Variants in MYO7B observed in about 807,000 individuals in gnomAD.
The protein encoded by MYO7B is unconventional myosin-VIIb.
In MYO7B, 212 loss-of-function variants were observed where a neutral mutation model predicts 259.7. That is an observed-to-expected ratio of 0.82 (90% CI 0.73 to 0.91). The LOEUF (loss-of-function observed/expected upper bound fraction) is 0.91, where lower values mean the gene tolerates loss of function less well. Ranked by LOEUF, MYO7B falls within the 40% of genes least tolerant of loss-of-function variation. The pLI is 0.00. For synonymous variants in MYO7B, 1,197 were observed against 1,166.4 expected, an observed-to-expected ratio of 1.03 and a Z score of -0.54; for missense variants, 2,732 against 2,813.5, an observed-to-expected ratio of 0.97 and a Z score of 0.66.
chr2:127,590,141 A>T lies in MYO7B; in HGVS notation c.1904A>T (p.Gln635Leu). 6.2e-7 allele frequency: 1 copy of T among 1,609,440 alleles called. No homozygotes were observed. Among genetic ancestry groups the T allele is most frequent in the Non-Finnish European group, 8.5e-7 (1 of 1,178,412 alleles). Residue 635 changes from glutamine (Q) to leucine (L), a missense_variant, in exon 16 of 48, where the codon CAG (glutamine) becomes CTG (leucine). This residue lies in a region of MYO7B where 1,906 missense variants were observed against 2,026.4 expected (regional missense o/e 0.94). Coordinates refer to ENST00000409816, the MANE Select transcript of MYO7B (RefSeq NM_001393586.1). The surrounding 1 kb of genome is among the most constrained non-coding windows in gnomAD (Gnocchi z 4.6). ...TCCACCTTAGGAAGCCAGTTCAAAC[A>T]GTCTCTGGACCAGCTGATGAAAATC... ...RPSTLGSQFK[Q>L]SLDQLMKILT...
Position 127,617,036 on chromosome 2 carries a change from T to G in MYO7B, c.3399-3304T>G, listed in dbSNP as rs373928202. ...CCACTTTAGGGCTTAACCCTTGGCT[T>G]CTTTTAGATCTGTCAGTTACCAAAT... On this transcript the variant is annotated intron_variant, in intron 26 of 47. Transcript: ENST00000409816. 1.4e-4 allele frequency among the ~76,000 whole-genome samples: 21 copies of G among 152,342 alleles called. No individual in the cohort carries two copies. The East Asian group carries it at 3.9e-3, about 28-fold the overall frequency.
chr2:127,594,328 A>T (rs945611216), intron 18 of MYO7B, among the ~76,000 whole-genome samples: 2 of 152,216 alleles, frequency 1.3e-5, no homozygotes, highest in Non-Finnish European at 2.9e-5. Flanking sequence ...AATAACTGGG[A>T]GCAGAGCTGG....
In MYO7B at chr2:127,612,581, G is replaced by T; in HGVS notation, c.3376G>T (p.Ala1126Ser). Residue 1126 changes from alanine to serine, a missense_variant, in exon 26 of 48, where the codon GCC becomes TCC. Around this residue, in one of 3 missense-constraint regions of MYO7B, gnomAD observed 1,906 missense variants for 2,026.4 expected, o/e 0.94. Transcript: ENST00000409816. ...GAAGGTGCACTTCATCGTGGGCTACGCCATCCTGCGGCCCAGCCTCAGGTC... is the reference window on the plus strand; with the variant it reads ...GAAGGTGCACTTCATCGTGGGCTACTCCATCCTGCGGCCCAGCCTCAGGTC... ...LEKVHFIVGY[A>S]ILRPSLRDEI... The T allele has an allele frequency of 6.2e-7, 1 of 1,609,004 alleles. No individual in the cohort carries two copies. The highest frequency in any genetic ancestry group is 8.5e-7 in the Non-Finnish European group (1 of 1,178,100).
chr2:127,596,647 C>G, intron 19 of MYO7B, 91 bp downstream of exon 19: 1 of 1,038,140 alleles, frequency 9.6e-7, no homozygotes, highest in Non-Finnish European at 1.5e-6. Context: ...ATCACATGTT[C>G]CCGCTGGGCC....
chr2:127,583,572 A>G (rs983232404), intron 12 of MYO7B, among the ~76,000 whole-genome samples: 5 of 151,902 alleles, frequency 3.3e-5, no homozygotes, highest in Non-Finnish European at 7.4e-5. Context: ...AGAGACAGAA[A>G]CTCCTCGGTT....
intron 12 of MYO7B, among the ~76,000 whole-genome samples, chr2:127,583,560 A>G (rs973557108): frequency 8.5e-5 from 13 of 152,212 alleles, no homozygotes; most frequent in Admixed American, 7.9e-4. Flanking sequence ...GAGAGGAGGG[A>G]CAGAGACAGA....
intron 2 of MYO7B, among the ~76,000 whole-genome samples, chr2:127,562,885 A>C (rs1205478867): frequency 3.9e-5 from 6 of 152,230 alleles, no homozygotes; most frequent in Admixed American, 3.9e-4. Context: ...CTGGGATTAC[A>C]GGTGTGAACC....
rs779831791 is a variant in MYO7B, at chr2:127,565,220, C to G, written c.133-13C>G. On this transcript the variant is annotated splice_polypyrimidine_tract_variant and intron_variant, in intron 3 of 47. Coordinates refer to ENST00000409816, the MANE Select transcript of MYO7B (RefSeq NM_001393586.1). ...AGGCCACCCCTCAGGGGAGTCTGCA[C>G]CCATTGTTCCAGGAACACTGGATCC... is the stretch of plus-strand genomic sequence containing the variant. 2 of 1,612,264 alleles carry G rather than the reference C, an allele frequency of 1.2e-6. No homozygotes were observed. The highest frequency in any genetic ancestry group is 1.7e-5 in the Admixed American group (1 of 59,844).
At chr2:127,624,881 C>G (rs950187181) in intron 30 of MYO7B, among the ~76,000 whole-genome samples, 5 of 152,164 alleles carry the variant, frequency 3.3e-5, no homozygotes, top group African/African-American at 9.7e-5. Flanking sequence ...GTTCCGGGAC[C>G]CATTGGAGGC....
intron 1 of MYO7B, among the ~76,000 whole-genome samples, chr2:127,543,601 T>C (rs1189506236): frequency 1.3e-5 from 2 of 152,102 alleles, no homozygotes; most frequent in African/African-American, 4.8e-5. Context: ...TAAAAGTCTC[T>C]TCCCTCCTTC....
At chr2:127,574,760 C>T (rs1414768279) in intron 7 of MYO7B, among the ~76,000 whole-genome samples, 1 of 152,194 alleles carries the variant, frequency 6.6e-6, no homozygotes, top group Non-Finnish European at 1.5e-5. Flanking sequence ...TGTGTTGTCA[C>T]ACCAGGCCCT....
rs553970191 is a variant in MYO7B at position 127,600,754 on chromosome 2, T to C, written c.2339+4198T>C. On this transcript the variant is annotated intron_variant, in intron 19 of 47. Coordinates refer to ENST00000409816, the MANE Select transcript of MYO7B (RefSeq NM_001393586.1). ...AAAACAAAAAACATTCTTGTCCTTT[T>C]CAAAGAATCAGGCTTTAGTTTCATT... is the stretch of plus-strand genomic sequence containing the variant. Among the ~76,000 whole-genome samples, 3 of 152,352 alleles carry C rather than the reference T, an allele frequency of 2.0e-5. No individual in the cohort carries two copies. The South Asian group carries it at 6.2e-4, about 32-fold the overall frequency.
intron 19 of MYO7B, among the ~76,000 whole-genome samples, chr2:127,603,304 G>C (rs944180351): frequency 6.6e-6 from 1 of 152,106 alleles, no homozygotes; most frequent in African/African-American, 2.4e-5. Context: ...AGATCTATTA[G>C]GAGAATTACT....
chr2:127,546,207 C>A lies in MYO7B; in HGVS notation c.-24+10376C>A, dbSNP rs1247215479. On this transcript the variant is annotated intron_variant, in intron 1 of 47. Transcript: ENST00000409816. The surrounding 1 kb of genome is among the most constrained non-coding windows in gnomAD (Gnocchi z 4.2). ...GTCAGTGCCCCTTCCGGGCTGGTAT[C>A]CCATAGGCCAGAGTCTCAATGTTAG... Among the ~76,000 whole-genome samples the A allele has an allele frequency of 3.3e-5, 5 of 152,238 alleles. No homozygotes were observed. The highest frequency in any genetic ancestry group is 1.2e-4 in the African/African-American group (5 of 41,464).
In MYO7B at chr2:127,584,255, C is replaced by T. The variant is rs375625335; in HGVS notation, c.1477C>T (p.Arg493Trp). 58 of 1,613,908 alleles carry T rather than the reference C, an allele frequency of 3.6e-5. No homozygotes were observed. The highest frequency in any genetic ancestry group is 1.6e-4 in the Middle Eastern group (1 of 6,084). The change falls in exon 13 of 48, where the codon CGG (arginine) becomes TGG (tryptophan). Residue 493 changes from arginine to tryptophan, a missense_variant. Transcript: ENST00000409816. This position sits in a 1 kb window ranked among gnomAD's most constrained non-coding sequence, Gnocchi z 5.8. ...SWDYIHYTDN[R>W]PTLDLLALKP... is the part of the protein sequence containing the mutation. ...GGACTATATCCACTACACCGACAATCGGCCCACCCTGGACCTGCTGGCCCT... is the reference window on the plus strand; with the variant it reads ...GGACTATATCCACTACACCGACAATTGGCCCACCCTGGACCTGCTGGCCCT...
chr2:127,636,183 C>A lies in MYO7B; in HGVS notation c.6007-25C>A. ...TTGGAGGGCCTCTGGGCACCCAAGT[C>A]CTTACTGGCCCTCCTGTCCCCCAGA... is the stretch of plus-strand genomic sequence containing the variant. On this transcript the variant is annotated intron_variant, in intron 44 of 47. Transcript: ENST00000409816. This position sits in a 1 kb window ranked among gnomAD's most constrained non-coding sequence, Gnocchi z 4.5. The A allele has an allele frequency of 6.3e-7, 1 of 1,586,382 alleles. No homozygotes were observed. Among genetic ancestry groups the A allele is most frequent in the South Asian group, 1.1e-5 (1 of 89,892 alleles).
rs750000685 is a variant in MYO7B at position 127,626,988 on chromosome 2, A to G, written c.4229A>G (p.Gln1410Arg). ...ATCCCCCCTCAGGCCCCATACACTC[A>G]GAAGCAAGTCACACCACTGGCCGTG... is the stretch of plus-strand genomic sequence containing the variant. ...TAACAKAPYT[Q>R]KQVTPLAVRE... The change falls in exon 32 of 48, where the codon CAG (glutamine) becomes CGG (arginine). Residue 1410 changes from glutamine to arginine, a missense_variant. Physicochemically the swap from Gln to Arg is conservative, Grantham distance 43. Coordinates refer to ENST00000409816, the MANE Select transcript of MYO7B (RefSeq NM_001393586.1). The G allele has an allele frequency of 6.8e-6, 11 of 1,611,462 alleles. No homozygotes were observed. In the African/African-American group the frequency reaches 9.3e-5, roughly 14 times the overall value.
Position 127,636,353 on chromosome 2 carries a change from T to C in MYO7B, c.6123+29T>C, listed in dbSNP as rs1256096962. ...AACCTTGCCCCACGCCAGGGCCTCC[T>C]ACCCAAGCAGGCTCCGCTCAGCCCA... On this transcript the variant is annotated intron_variant, in intron 45 of 47. Coordinates refer to ENST00000409816, the MANE Select transcript of MYO7B (RefSeq NM_001393586.1). This position sits in a 1 kb window ranked among gnomAD's most constrained non-coding sequence, Gnocchi z 4.5. The C allele has an allele frequency of 6.3e-7, 1 of 1,590,174 alleles. No individual in the cohort carries two copies. The highest frequency in any genetic ancestry group is 1.1e-5 in the South Asian group (1 of 90,492).
At chr2:127,566,910 G>T in intron 5 of MYO7B, 83 bp downstream of exon 5, 3 of 1,435,946 alleles carry the variant, frequency 2.1e-6, no homozygotes, top group Non-Finnish European at 2.8e-6. Flanking sequence ...CAGGCGAGAT[G>T]AGAGCTCTCC....
Sources: gnomAD v4.1 joint callset for allele counts (sites outside exome capture counted in the v4.1 genomes callset) on GRCh38, gnomAD v4.1.1 for gene constraint, gnomAD v4.1.1 regional missense constraint, Gnocchi (gnomAD v3.1) non-coding constraint, MANE v1.5 for transcripts, NCBI Gene and HGNC (gene_info 2026-07-23, HGNC 2026-07-21) for gene names.